TXNDC11: variants seen among roughly 807,000 people sequenced by gnomAD.
TXNDC11 encodes thioredoxin domain-containing protein 11.
In TXNDC11, 68 loss-of-function variants were observed where a neutral mutation model predicts 78.0. The observed-to-expected ratio is 0.87, with a 90% CI of 0.72 to 1.07. The LOEUF is 1.07. Among genes scored for constraint, TXNDC11 ranks in the 50% least tolerant of loss-of-function variants. The probability of loss-of-function intolerance (pLI) is 0.00; values close to 1 mark genes in which losing one functional copy is unlikely to be tolerated. For synonymous variants in TXNDC11, 571 were observed against 495.2 expected (o/e 1.15, Z -2.03); for missense variants, 1,389 against 1,221.8 (o/e 1.14, Z -2.04).
intron 5 of TXNDC11, among the ~76,000 whole-genome samples, chr16:11,701,993 G>C (rs2051040210): frequency 6.6e-6 from 1 of 151,262 alleles, no homozygotes; most frequent in African/African-American, 2.4e-5. Flanking sequence ...CACAAACAGA[G>C]GCTGAAAGAG....
chr16:11,742,518 C>T lies in TXNDC11; in HGVS notation c.213G>A (p.Ala71=). The T allele has an allele frequency of 2.1e-6, 3 of 1,454,742 alleles. No individual in the cohort carries two copies. The highest frequency in any genetic ancestry group is 2.7e-5 in the Admixed American group (1 of 37,658). 90.1% of individuals were successfully genotyped at this position (1,454,742 alleles called of 1,614,324 possible). A position where few individuals can be genotyped will look rare whatever the true frequency, so the allele number is the denominator to read the frequency against. ...GGGCGAGGAGCAGCGCGCAGCCGAG[C>T]GCCACGGCCCCGCAGAGCAGCTCCG... ...QRPELLCGAV[A]LGCALLLALK... The change falls in exon 1 of 12, where the codon GCG becomes GCA. Residue 71 remains alanine, a synonymous_variant. Coordinates refer to ENST00000283033, the MANE Select transcript of TXNDC11 (RefSeq NM_015914.7).
chr16:11,724,224 A>C (rs1032608860), intron 4 of TXNDC11, among the ~76,000 whole-genome samples: 1 of 152,170 alleles, frequency 6.6e-6, no homozygotes, highest in East Asian at 1.9e-4. Context: ...TGGAGGCTAC[A>C]GTGAGCAGAG....
At position 11,679,813 on chromosome 16, in the gene TXNDC11, G is replaced by C. The variant is rs764580401; in HGVS notation, c.2259C>G (p.Pro753=). 1 of 1,612,966 alleles carries C rather than the reference G, an allele frequency of 6.2e-7. No individual in the cohort carries two copies. The highest frequency in any genetic ancestry group is 8.5e-7 in the Non-Finnish European group (1 of 1,179,130). ...TTGGAAGGGTGATGGGGACGTCTTC[G>C]GGGTATTTCACACTTAGGTCCTTTC... ...CNRKDLSVKY[P]EDVPITLPNL... is the part of the protein sequence containing the mutation. Residue 753 remains proline (P), a synonymous_variant, in exon 12 of 12, where the codon CCC becomes CCG. Transcript: ENST00000283033. This position sits in a 1 kb window ranked among gnomAD's most constrained non-coding sequence, Gnocchi z 4.6.
Position 11,679,718 on chromosome 16 carries a change from G to T in TXNDC11, c.2354C>A (p.Thr785Asn). The change falls in exon 12 of 12, where the codon ACC (threonine) becomes AAC (asparagine). Residue 785 changes from threonine (T) to asparagine (N), a missense_variant. Transcript: ENST00000283033. The surrounding 1 kb of genome is among the most constrained non-coding windows in gnomAD (Gnocchi z 4.6). ...SSPQNVANSP[T>N]KECLQSEAVL... ...TGCCTCGCTCTGAAGACACTCCTTG[G>T]TAGGAGAGTTAGCCACATTCTGGGG... is the stretch of plus-strand genomic sequence containing the variant. 1 of 1,614,202 alleles carries T rather than the reference G, an allele frequency of 6.2e-7. No individual in the cohort carries two copies. Among genetic ancestry groups the T allele is most frequent in the Non-Finnish European group, 8.5e-7 (1 of 1,180,034 alleles).
chr16:11,698,454 C>T, intron 6 of TXNDC11, 129 bp from the exon 7 acceptor site: 4 of 734,060 alleles, frequency 5.4e-6, no homozygotes. Flanking sequence ...GGCCTGGCCC[C>T]ACTGTGCAGC....
chr16:11,716,160 C>T (rs1027712694), intron 5 of TXNDC11, among the ~76,000 whole-genome samples: 3 of 152,256 alleles, frequency 2.0e-5, no homozygotes, highest in Non-Finnish European at 4.4e-5. Flanking sequence ...AAGGACCAGG[C>T]ATTGCTGCCT....
chr16:11,682,661 C>G (rs1346494513), intron 11 of TXNDC11, among the ~76,000 whole-genome samples: 1 of 152,196 alleles, frequency 6.6e-6, no homozygotes, highest in Non-Finnish European at 1.5e-5. Context: ...CGTCATTAAA[C>G]TACATGCCCA....
chr16:11,712,670 T>G (rs767697497), intron 5 of TXNDC11, among the ~76,000 whole-genome samples: 5 of 152,142 alleles, frequency 3.3e-5, no homozygotes. Context: ...AAATAAGTCA[T>G]TGTGGGGCAC....
intron 1 of TXNDC11, 69 bp from the exon 2 acceptor site, chr16:11,736,302 G>C: frequency 7.9e-7 from 1 of 1,272,386 alleles, no homozygotes; most frequent in Admixed American, 2.1e-5. Context: ...TGTGGAAGTA[G>C]AATGAAGCTT....
At chr16:11,729,505 G>C (rs1250287626) in intron 4 of TXNDC11, among the ~76,000 whole-genome samples, 6 of 152,130 alleles carry the variant, frequency 3.9e-5, no homozygotes, top group Admixed American at 2.6e-4. Flanking sequence ...TGATGTTCTG[G>C]TGAAAAAATG....
intron 5 of TXNDC11, among the ~76,000 whole-genome samples, chr16:11,719,156 C>T (rs938567384): frequency 2.0e-5 from 3 of 152,150 alleles, no homozygotes; most frequent in African/African-American, 7.2e-5. Context: ...CATGCTTCTA[C>T]GACCTTGAAA....
rs377641766 is a variant in TXNDC11, at chr16:11,692,933, C to G, written c.1108-851G>C. On this transcript the variant is annotated intron_variant, in intron 7 of 11. Coordinates refer to ENST00000283033, the MANE Select transcript of TXNDC11 (RefSeq NM_015914.7). Reference sequence around the variant, plus strand: ...CCGGCTCCTCCATCTGTTCCCAAGGCCCAGCACCAGGGCAGCTGCTTCAGG... The same window carrying G: ...CCGGCTCCTCCATCTGTTCCCAAGGGCCAGCACCAGGGCAGCTGCTTCAGG... 2.0e-5 allele frequency among the ~76,000 whole-genome samples: 3 copies of G among 152,188 alleles called. No homozygotes were observed. The East Asian group carries it at 5.8e-4, about 29-fold the overall frequency.
At chr16:11,711,723 G>A (rs1419515836) in intron 5 of TXNDC11, among the ~76,000 whole-genome samples, 1 of 152,200 alleles carries the variant, frequency 6.6e-6, no homozygotes, top group Non-Finnish European at 1.5e-5. Flanking sequence ...TACTGAGTAA[G>A]AAGCGGAGCT....
chr16:11,704,973 A>G (rs966559914), intron 5 of TXNDC11, among the ~76,000 whole-genome samples: 2 of 151,446 alleles, frequency 1.3e-5, no homozygotes, highest in African/African-American at 2.4e-5. Flanking sequence ...ACAGTGGTGC[A>G]TCTCGGCTCA....
At chr16:11,709,306 G>A (rs1450530063) in intron 5 of TXNDC11, among the ~76,000 whole-genome samples, 4 of 150,908 alleles carry the variant, frequency 2.7e-5, no homozygotes, top group Non-Finnish European at 4.4e-5. Flanking sequence ...GGCCTGGAGC[G>A]CAATGGCGTG....
intron 9 of TXNDC11, 131 bp downstream of exon 9, chr16:11,688,172 G>C: frequency 9.6e-7 from 1 of 1,043,848 alleles, no homozygotes; most frequent in Non-Finnish European, 1.4e-6. Flanking sequence ...ATTCATTCAC[G>C]GTCCATAATT....
At chr16:11,714,846 A>G (rs1387717996) in intron 5 of TXNDC11, among the ~76,000 whole-genome samples, 1 of 152,174 alleles carries the variant, frequency 6.6e-6, no homozygotes, top group Non-Finnish European at 1.5e-5. Context: ...ACTATTTCCC[A>G]AAGGGAGTTC....
chr16:11,728,829 A>C (rs2051959419), intron 4 of TXNDC11, among the ~76,000 whole-genome samples: 1 of 151,960 alleles, frequency 6.6e-6, no homozygotes, highest in Non-Finnish European at 1.5e-5. Context: ...GTGAAACCCC[A>C]TCTCTACTGA....
At chr16:11,730,899 CA>C in intron 3 of TXNDC11, 125 bp from the exon 4 acceptor site, 1 of 699,240 alleles carries the variant, frequency 1.4e-6, no homozygotes, top group Non-Finnish European at 2.1e-6. Flanking sequence ...GGGATCCAAC[CA>C]AGTCACAGAT....
Sources: gnomAD v4.1 joint callset for allele counts (sites outside exome capture counted in the v4.1 genomes callset) on GRCh38, gnomAD v4.1.1 for gene constraint, Gnocchi (gnomAD v3.1) non-coding constraint, MANE v1.5 for transcripts, NCBI Gene and HGNC (gene_info 2026-07-23, HGNC 2026-07-21) for gene names.